The following NTN1 variants were observed in gnomAD, a reference collection of about 807,000 sequenced individuals.
The protein encoded by NTN1 is netrin-1.
A neutral mutation model predicts 54.2 loss-of-function variants in NTN1; 11 were observed. That is an observed-to-expected ratio of 0.20 (90% CI 0.13 to 0.34). The LOEUF (loss-of-function observed/expected upper bound fraction) is 0.34, where lower values mean the gene tolerates loss of function less well. Among genes scored for constraint, NTN1 ranks in the 10% least tolerant of loss-of-function variants. The probability of loss-of-function intolerance (pLI) is 1.00; values close to 1 mark genes in which losing one functional copy is unlikely to be tolerated. For missense variants in NTN1, 740 were observed against 893.1 expected, an observed-to-expected ratio of 0.83 and a Z score of 2.18; for synonymous variants, 371 against 382.0, an observed-to-expected ratio of 0.97 and a Z score of 0.33.
intron 2 of NTN1, among the ~76,000 whole-genome samples, chr17:9,067,740 G>T (rs1002614124): frequency 4.6e-5 from 7 of 152,188 alleles, no homozygotes; most frequent in Non-Finnish European, 7.3e-5. Context: ...TGGATCGGGA[G>T]TTAGTTCTTC....
intron 2 of NTN1, among the ~76,000 whole-genome samples, chr17:9,084,296 T>C (rs1288005314): frequency 6.6e-6 from 1 of 152,144 alleles, no homozygotes; most frequent in Non-Finnish European, 1.5e-5. Flanking sequence ...CCTGTGGCTT[T>C]CACTAACATG....
chr17:9,046,361 A>G (rs1307242077), intron 2 of NTN1, among the ~76,000 whole-genome samples: 1 of 152,250 alleles, frequency 6.6e-6, no homozygotes, highest in Non-Finnish European at 1.5e-5. Context: ...TACATTCACT[A>G]GGATGGCTAT....
At chr17:9,198,384 G>T (rs1419244331) in intron 5 of NTN1, among the ~76,000 whole-genome samples, 1 of 152,230 alleles carries the variant, frequency 6.6e-6, no homozygotes, top group Non-Finnish European at 1.5e-5. Flanking sequence ...TCCAGGGAAA[G>T]CAGTGTCCAT....
At chr17:9,005,167 G>GA in the NTN1 span, among the ~76,000 whole-genome samples, 1 of 152,122 alleles carries the variant, frequency 6.6e-6, no homozygotes, top group Non-Finnish European at 1.5e-5. Context: ...GCGACTCCCA[G>GA]ATTTTCTCTC....
intron 2 of NTN1, among the ~76,000 whole-genome samples, chr17:9,093,617 C>CT (rs2092121092): frequency 6.6e-6 from 1 of 152,228 alleles, no homozygotes; most frequent in African/African-American, 2.4e-5. Context: ...GCCGCAGCCT[C>CT]TCAAAGTGTA....
In NTN1 at chr17:9,145,046, C is replaced by A. The variant is rs367626828; in HGVS notation, c.1019-17767C>A. ...CAGTGGCGAGGACAGTGCGCCACCC[C>A]CCGAGGCTGGCCGGCTCCCCAGCTG... On this transcript the variant is annotated intron_variant, in intron 2 of 6. Transcript: ENST00000173229. Among the ~76,000 whole-genome samples, 429 of 152,328 alleles carry A rather than the reference C, an allele frequency of 2.8e-3. 30 individuals carry two copies. The South Asian group carries it at 0.086, about 31-fold the overall frequency.
intron 2 of NTN1, among the ~76,000 whole-genome samples, chr17:9,062,667 A>C (rs1345954288): frequency 6.6e-6 from 1 of 152,236 alleles, no homozygotes; most frequent in Non-Finnish European, 1.5e-5. Flanking sequence ...CACCTTGATT[A>C]TTACAGAAGT....
rs1905142647 is a variant in NTN1 at position 9,212,915 on chromosome 17, G to A, written c.1412-8253G>A. 6.6e-6 allele frequency among the ~76,000 whole-genome samples: 1 copy of A among 152,232 alleles called. No individual in the cohort carries two copies. The highest frequency in any genetic ancestry group is 2.1e-4 in the South Asian group (1 of 4,834). Reference sequence around the variant, plus strand: ...CAACCGTGGCCGCCGGGCTCTGCCTGCCATATGCTCAGAGATGAGCCTCGA... The same window carrying A: ...CAACCGTGGCCGCCGGGCTCTGCCTACCATATGCTCAGAGATGAGCCTCGA... On this transcript the variant is annotated intron_variant, in intron 5 of 6. Transcript: ENST00000173229. This position sits in a 1 kb window ranked among gnomAD's most constrained non-coding sequence, Gnocchi z 5.5.
chr17:9,101,973 G>A (rs1342451137), intron 2 of NTN1, among the ~76,000 whole-genome samples: 1 of 152,194 alleles, frequency 6.6e-6, no homozygotes, highest in Non-Finnish European at 1.5e-5. Flanking sequence ...GCCAGCCTGG[G>A]CAACGAGAGA....
intron 2 of NTN1, among the ~76,000 whole-genome samples, chr17:9,028,263 G>A (rs1229396562): frequency 1.3e-5 from 2 of 152,194 alleles, no homozygotes; most frequent in South Asian, 2.1e-4. Flanking sequence ...GGTATGTCCC[G>A]GCCACTGGTG....
At chr17:9,120,752 G>A (rs1292630833) in intron 2 of NTN1, among the ~76,000 whole-genome samples, 3 of 152,218 alleles carry the variant, frequency 2.0e-5, no homozygotes, top group African/African-American at 7.2e-5. Context: ...CCTTCCCAGC[G>A]TCATAGCGAC....
At chr17:9,035,235 C>T (rs2091900119) in intron 2 of NTN1, among the ~76,000 whole-genome samples, 1 of 152,210 alleles carries the variant, frequency 6.6e-6, no homozygotes, top group African/African-American at 2.4e-5. Context: ...CATGAGCCAC[C>T]GTGCCCAGAC....
intron 2 of NTN1, among the ~76,000 whole-genome samples, chr17:9,122,099 G>T (rs768615873): frequency 6.6e-6 from 1 of 150,808 alleles, no homozygotes; most frequent in Non-Finnish European, 1.5e-5. Flanking sequence ...GTGCAGTGGC[G>T]CAATCTCGGC....
rs1410810876 is a variant in NTN1 at position 9,221,056 on chromosome 17, G to T, written c.1412-112G>T. 2 of 819,596 alleles carry T rather than the reference G, an allele frequency of 2.4e-6. No homozygotes were observed. Among genetic ancestry groups the T allele is most frequent in the Non-Finnish European group, 4.3e-6 (2 of 466,580 alleles). 50.8% of individuals were successfully genotyped at this position (819,596 alleles called of 1,614,324 possible). ...GCCTGCCCGCCCGGCCTGGCCCATG[G>T]GTATCACAGGCCTCTGGCTATTTAG... On this transcript the variant is annotated intron_variant, in intron 5 of 6. Transcript: ENST00000173229. The surrounding 1 kb of genome is among the most constrained non-coding windows in gnomAD (Gnocchi z 4.5).
intron 2 of NTN1, among the ~76,000 whole-genome samples, chr17:9,080,386 G>C (rs1184690374): frequency 1.3e-5 from 2 of 152,206 alleles, no homozygotes; most frequent in Non-Finnish European, 2.9e-5. Context: ...TTCACTGTTA[G>C]AGTTAAGAGG....
At chr17:9,151,455 C>T (rs1050129932) in intron 2 of NTN1, among the ~76,000 whole-genome samples, 2 of 152,144 alleles carry the variant, frequency 1.3e-5, no homozygotes, top group Non-Finnish European at 2.9e-5. Context: ...ACTGTGACTC[C>T]GGGCACTGAG....
At position 9,239,598 on chromosome 17, in the gene NTN1, C is replaced by A; in HGVS notation, c.1487-42C>A. 6.3e-7 allele frequency: 1 copy of A among 1,583,650 alleles called. No individual in the cohort carries two copies. The highest frequency in any genetic ancestry group is 8.6e-7 in the Non-Finnish European group (1 of 1,157,734). ...GGCTCAGGCAGGGCGGACCTAGCCACAGCAGCTGGGAGCCCACCCGTCTGC... is the reference window on the plus strand; with the variant it reads ...GGCTCAGGCAGGGCGGACCTAGCCAAAGCAGCTGGGAGCCCACCCGTCTGC... On this transcript the variant is annotated intron_variant, in intron 6 of 6. Transcript: ENST00000173229. This position sits in a 1 kb window ranked among gnomAD's most constrained non-coding sequence, Gnocchi z 5.2.
chr17:9,119,099 C>T (rs577135632), intron 2 of NTN1, among the ~76,000 whole-genome samples: 4 of 152,330 alleles, frequency 2.6e-5, no homozygotes, highest in African/African-American at 9.6e-5. Context: ...TCTTATGTTC[C>T]CACCAGCAAT....
chr17:9,019,999 T>A (rs953948051), upstream of NTN1, among the ~76,000 whole-genome samples: 1 of 152,170 alleles, frequency 6.6e-6, no homozygotes, highest in Admixed American at 6.5e-5. Flanking sequence ...TGTCCTGCAA[T>A]GGAATGGATT....
Sources: gnomAD v4.1 joint callset for allele counts (sites outside exome capture counted in the v4.1 genomes callset) on GRCh38, gnomAD v4.1.1 for gene constraint, Gnocchi (gnomAD v3.1) non-coding constraint, MANE v1.5 for transcripts, NCBI Gene and HGNC (gene_info 2026-07-23, HGNC 2026-07-21) for gene names.